CENPV: variants seen among roughly 807,000 people sequenced by gnomAD.
CENPV encodes the protein nuclear protein p30.
CENPV carries 15 observed loss-of-function variants against 26.4 expected under a neutral mutation model. The observed-to-expected ratio is 0.57, with a 90% CI of 0.38 to 0.88. The LOEUF is 0.88. Among genes scored for constraint, CENPV ranks in the 40% least tolerant of loss-of-function variants. The pLI is 0.00. For synonymous variants in CENPV, 172 were observed against 165.5 expected (o/e 1.04, Z -0.30); for missense variants, 336 against 376.5 (o/e 0.89, Z 0.89).
intron 1 of CENPV, chr17:16,350,692 AG>A (rs1230013565): frequency 1.3e-5 from 2 of 152,140 alleles, no homozygotes; most frequent in Admixed American, 1.3e-4. Context: ...ACACTAAACA[AG>A]ATACAGCAGA....
At chr17:16,346,779 C>T (rs562711209) in intron 3 of CENPV, among the ~76,000 whole-genome samples, 10 of 151,002 alleles carry the variant, frequency 6.6e-5, no homozygotes, top group Non-Finnish European at 1.3e-4. Flanking sequence ...TATAAAACAA[C>T]GTACGTGGTA....
chr17:16,344,378 AACTTC>A (rs1345273383), intron 4 of CENPV: 1 of 311,416 alleles, frequency 3.2e-6, no homozygotes, highest in Admixed American at 5.0e-5. Context: ...CTCCAAGTCC[AACTTC>A]ACCACATTCA....
intron 3 of CENPV, among the ~76,000 whole-genome samples, chr17:16,345,592 C>T (rs3112527): frequency 0.47 from 71,446 of 151,676 alleles, 17,237 homozygotes; most frequent in East Asian, 0.81. Flanking sequence ...GCTCTTTGTA[C>T]TAAGAGGCCA....
chr17:16,344,831 C>T (rs2093198689), intron 3 of CENPV, 120 bp from the exon 4 acceptor site: 7 of 479,470 alleles, frequency 1.5e-5, no homozygotes, highest in Non-Finnish European at 1.7e-5. Flanking sequence ...AGTGCAGTGG[C>T]GCAATCTTGG....
In CENPV at chr17:16,353,400, G is replaced by A; in HGVS notation, c.37C>T (p.Arg13Cys). ...GAGGCCCCGGACCGCTTCTGCCCGC[G>A]CAGCTTGGCGGCCGCAGAGCTCCTC... ...RSRSSAAAKL[R>C]GQKRSGASAA... Residue 13 changes from arginine (R) to cysteine (C), a missense_variant, in exon 1 of 5, where the codon CGC becomes TGC. Around this residue, in one of 2 missense-constraint regions of CENPV, gnomAD observed 181 missense variants for 148.8 expected, o/e 1.22. Transcript: ENST00000299736. 2 of 1,068,590 alleles carry A rather than the reference G, an allele frequency of 1.9e-6. No individual in the cohort carries two copies. Among genetic ancestry groups the A allele is most frequent in the Non-Finnish European group, 2.3e-6 (2 of 868,954 alleles). The allele number at this position is 1,068,590 out of a possible 1,614,324, so 66.2% of individuals were successfully genotyped here. A position where few individuals can be genotyped will look rare whatever the true frequency, so the allele number is the denominator to read the frequency against.
intron 3 of CENPV, among the ~76,000 whole-genome samples, chr17:16,345,061 G>A (rs145197861): frequency 0.01 from 1,552 of 152,086 alleles, 27 homozygotes; most frequent in African/African-American, 0.034. Context: ...GTGAGCCACT[G>A]CGCCTGGCCC....
chr17:16,348,902 C>T lies in CENPV; in HGVS notation c.510-217G>A, dbSNP rs1215782403. 4.5e-6 allele frequency: 6 copies of T among 1,345,902 alleles called. No individual in the cohort carries two copies. In the African/African-American group the frequency reaches 7.4e-5, roughly 17 times the overall value. 83.4% of individuals were successfully genotyped at this position (1,345,902 alleles called of 1,614,324 possible). On this transcript the variant is annotated intron_variant, in intron 2 of 4. Coordinates refer to ENST00000299736, the MANE Select transcript of CENPV (RefSeq NM_181716.3). ...TCCCAAGTCAGCAGTCGAGGTTCTG[C>T]AATGCTCAGAACACAGGACCAACAG...
intron 1 of CENPV, among the ~76,000 whole-genome samples, chr17:16,352,444 ATC>A (rs1376280188): frequency 6.6e-6 from 1 of 151,540 alleles, no homozygotes; most frequent in East Asian, 2.0e-4. Context: ...AGGCCGGAGC[ATC>A]TCTTCGCGCG....
chr17:16,345,713 C>T (rs555559406), intron 3 of CENPV, among the ~76,000 whole-genome samples: 7 of 152,176 alleles, frequency 4.6e-5, no homozygotes, highest in East Asian at 1.9e-4. Context: ...CTTAGGTCAA[C>T]GGCATACAGA....
chr17:16,348,514 GCCC>G, intron 3 of CENPV, 99 bp downstream of exon 3: 2 of 1,576,610 alleles, frequency 1.3e-6, no homozygotes, highest in Non-Finnish European at 1.7e-6. Context: ...TATGCTCCAG[GCCC>G]CTCCCATGCT....
At chr17:16,349,549 A>G (rs1056092796) in intron 2 of CENPV, 43 of 1,002,272 alleles carry the variant, frequency 4.3e-5, no homozygotes, top group Middle Eastern at 1.0e-3. Flanking sequence ...CTTTACTAAC[A>G]TACCCTCCAA....
intron 3 of CENPV, chr17:16,348,401 TC>T: frequency 8.5e-7 from 1 of 1,172,694 alleles, no homozygotes; most frequent in Non-Finnish European, 1.1e-6. Context: ...AGGTGATCCA[TC>T]CATCTTGGCC....
At chr17:16,352,723 G>C (rs1020610000) in intron 1 of CENPV, among the ~76,000 whole-genome samples, 2 of 152,114 alleles carry the variant, frequency 1.3e-5, no homozygotes, top group African/African-American at 4.8e-5. Context: ...CAACGTCCCC[G>C]AGCACGATGC....
Position 16,353,390 on chromosome 17 carries a change from T to C in CENPV, c.47A>G (p.Lys16Arg). The part of the protein sequence containing the change: ...SSAAAKLRGQ[K>R]RSGASAAPAA... ...GGGGGCCGCGGAGGCCCCGGACCGC[T>C]TCTGCCCGCGCAGCTTGGCGGCCGC... The change falls in exon 1 of 5, where the codon AAG becomes AGG. Residue 16 changes from lysine to arginine, a missense_variant. By Grantham distance (26) the Lys-to-Arg change is conservative. Transcript: ENST00000299736. 1 of 660,600 alleles carries C rather than the reference T, an allele frequency of 1.5e-6. No individual in the cohort carries two copies. Among genetic ancestry groups the C allele is most frequent in the Non-Finnish European group, 1.9e-6 (1 of 530,300 alleles). 40.9% of individuals were successfully genotyped at this position (660,600 alleles called of 1,614,324 possible).
intron 1 of CENPV, chr17:16,350,772 A>C (rs976171256): frequency 6.6e-6 from 1 of 152,194 alleles, no homozygotes; most frequent in Non-Finnish European, 1.5e-5. Context: ...GTGATAAAGG[A>C]GGTACAGGCT....
At chr17:16,345,347 T>C (rs1056102737) in intron 3 of CENPV, among the ~76,000 whole-genome samples, 1 of 149,304 alleles carries the variant, frequency 6.7e-6, no homozygotes, top group African/African-American at 2.5e-5. Context: ...GGCAGGCGGA[T>C]TGCTTGAGCC....
Position 16,353,372 on chromosome 17 carries a change from G to GCGGAGGCCCCGGAGGCCCCGGAGGCCC in CENPV, c.64_65insGGGCCTCCGGGGCCTCCGGGGCCTCCG (p.Ser21_Ala22insGlyAlaSerGlyAlaSerGlyAlaSer). Reference sequence around the variant, plus strand: ...AGCGGCCGCGGAGGCCGCGGGGGCCGCGGAGGCCCCGGACCGCTTCTGCCC... The same window carrying GCGGAGGCCCCGGAGGCCCCGGAGGCCC: ...AGCGGCCGCGGAGGCCGCGGGGGCCGCGGAGGCCCCGGAGGCCCCGGAGGCCCCGGAGGCCCCGGACCGCTTCTGCCC... On this transcript the variant is annotated inframe_insertion, in exon 1 of 5. Coordinates refer to ENST00000299736, the MANE Select transcript of CENPV (RefSeq NM_181716.3). 1.6e-6 allele frequency: 2 copies of GCGGAGGCCCCGGAGGCCCCGGAGGCCC among 1,239,940 alleles called. No individual in the cohort carries two copies. The highest frequency in any genetic ancestry group is 1.6e-5 in the African/African-American group (1 of 62,812). 76.8% of individuals were successfully genotyped at this position (1,239,940 alleles called of 1,614,324 possible).
rs1452311200 is a variant in CENPV, at chr17:16,350,003, G to A, written c.437C>T (p.Thr146Ile). 1 of 1,613,802 alleles carries A rather than the reference G, an allele frequency of 6.2e-7. No individual in the cohort carries two copies. Among genetic ancestry groups the A allele is most frequent in the Admixed American group, 1.7e-5 (1 of 59,980 alleles). Residue 146 changes from threonine (T) to isoleucine (I), a missense_variant, in exon 2 of 5, where the codon ACA becomes ATA. Around this residue, in one of 2 missense-constraint regions of CENPV, gnomAD observed 155 missense variants for 227.8 expected, o/e 0.68. Transcript: ENST00000299736. Reference sequence around the variant, plus strand: ...AACTGCTCCACAGTGGCAGCCTCCTGTGTGCTTCACCAGGCCCTGGTATTC... The same window carrying A: ...AACTGCTCCACAGTGGCAGCCTCCTATGTGCTTCACCAGGCCCTGGTATTC... ...TFEYQGLVKH[T>I]GGCHCGAVRF...
At chr17:16,352,811 T>G (rs1352175968) in intron 1 of CENPV, among the ~76,000 whole-genome samples, 4 of 151,242 alleles carry the variant, frequency 2.6e-5, no homozygotes. Context: ...CCCTTTCCAT[T>G]CCCAGGCCAC....
Sources: allele counts gnomAD v4.1 joint callset (sites outside exome capture counted in the v4.1 genomes callset), GRCh38; gene constraint gnomAD v4.1.1; regional missense constraint gnomAD v4.1.1; transcripts MANE v1.5; gene names NCBI Gene and HGNC (gene_info 2026-07-23, HGNC 2026-07-21).